Variants in PTPN9 observed in about 807,000 individuals in gnomAD.
The protein encoded by PTPN9 is tyrosine-protein phosphatase non-receptor type 9.
Under a neutral mutation model 69.8 loss-of-function variants are expected in PTPN9, and 26 were observed. The ratio of observed to expected loss-of-function variants is 0.37; its 90% CI spans 0.27 to 0.52. The LOEUF is 0.52. PTPN9 is among the 20% of genes least tolerant of loss of function. PTPN9 has a pLI of 0.91. For missense variants in PTPN9, 549 were observed against 740.3 expected (o/e 0.74, Z 3.00); for synonymous variants, 274 against 272.5 (o/e 1.01, Z -0.05).
At chr15:75,472,435 C>T (rs1195226241) in intron 10 of PTPN9, among the ~76,000 whole-genome samples, 1 of 150,968 alleles carries the variant, frequency 6.6e-6, no homozygotes, top group Non-Finnish European at 1.5e-5. Context: ...GCACTCCAGC[C>T]TGGGCGACAG....
At chr15:75,567,621 G>A (rs1282623792) in intron 1 of PTPN9, among the ~76,000 whole-genome samples, 1 of 152,148 alleles carries the variant, frequency 6.6e-6, no homozygotes, top group East Asian at 1.9e-4. Context: ...AAAGTGACAA[G>A]TACTGTGCCG....
intron 1 of PTPN9, among the ~76,000 whole-genome samples, chr15:75,548,929 A>T (rs2075045680): frequency 6.6e-6 from 1 of 151,942 alleles, no homozygotes; most frequent in Non-Finnish European, 1.5e-5. Flanking sequence ...CTGGGATTAT[A>T]GGCATGAGCC....
chr15:75,515,927 CAAAATAAAATAA>C (rs1247924096), intron 5 of PTPN9, among the ~76,000 whole-genome samples: 1 of 151,592 alleles, frequency 6.6e-6, no homozygotes, highest in Non-Finnish European at 1.5e-5. Context: ...TAAAATAAAA[CAAAATAAAATAA>C]AAAATAAATT....
chr15:75,473,792 A>G lies in PTPN9; in HGVS notation c.1130-25T>C, dbSNP rs2074581459. 1.1e-5 allele frequency: 17 copies of G among 1,518,870 alleles called. No individual in the cohort carries two copies. The East Asian group carries it at 3.6e-4, about 32-fold the overall frequency. The allele number at this position is 1,518,870 out of a possible 1,614,324, so 94.1% of individuals were successfully genotyped here. A position where few individuals can be genotyped will look rare whatever the true frequency, so the allele number is the denominator to read the frequency against. Reference sequence around the variant, plus strand: ...CCTGAAATAAAAGGAGAAGACAAGAAACATGACTCTGGGAAACACTTTTTT... The same window carrying G: ...CCTGAAATAAAAGGAGAAGACAAGAGACATGACTCTGGGAAACACTTTTTT... On this transcript the variant is annotated intron_variant, in intron 9 of 12. Coordinates refer to ENST00000618819, the MANE Select transcript of PTPN9 (RefSeq NM_002833.4).
Position 75,468,846 on chromosome 15 carries a change from T to C in PTPN9, c.1705A>G (p.Lys569Glu). ...TTCTCTGCGAACTCCAGGATGGCCT[T>C]GTAGCAAAAATAGTACTGCTCAGGG... The part of the protein sequence containing the change: ...QTPEQYYFCY[K>E]AILEFAEKEG... Residue 569 changes from lysine (K) to glutamate (E), a missense_variant, in exon 13 of 13, where the codon AAG becomes GAG. Physicochemically the swap from Lys to Glu is moderately conservative, Grantham distance 56. Around this residue, in one of 3 missense-constraint regions of PTPN9, gnomAD observed 457 missense variants for 661.9 expected, o/e 0.69. Coordinates refer to ENST00000618819, the MANE Select transcript of PTPN9 (RefSeq NM_002833.4). The C allele has an allele frequency of 6.2e-7, 1 of 1,614,122 alleles. No individual in the cohort carries two copies. Among genetic ancestry groups the C allele is most frequent in the Non-Finnish European group, 8.5e-7 (1 of 1,180,000 alleles).
At chr15:75,503,194 C>A (rs1448604103) in intron 7 of PTPN9, among the ~76,000 whole-genome samples, 1 of 148,826 alleles carries the variant, frequency 6.7e-6, no homozygotes, top group Non-Finnish European at 1.5e-5. Flanking sequence ...AAGTGAGGAG[C>A]GCCTCTTCCC....
intron 1 of PTPN9, among the ~76,000 whole-genome samples, chr15:75,536,260 T>C (rs1239778373): frequency 2.6e-5 from 4 of 152,298 alleles, no homozygotes; most frequent in South Asian, 4.1e-4. Flanking sequence ...AGTACAGTAG[T>C]TGTTGAGAAG....
intron 1 of PTPN9, among the ~76,000 whole-genome samples, chr15:75,548,161 GT>G (rs909913251): frequency 2.0e-5 from 3 of 151,974 alleles, no homozygotes; most frequent in Admixed American, 1.3e-4. Flanking sequence ...CAGAACACAG[GT>G]TTTCTGACTC....
chr15:75,507,370 C>T (rs570557353), intron 6 of PTPN9, among the ~76,000 whole-genome samples: 7 of 146,926 alleles, frequency 4.8e-5, no homozygotes, highest in South Asian at 4.4e-4. Context: ...CACTTGAACC[C>T]GGGGGACGGA....
intron 5 of PTPN9, among the ~76,000 whole-genome samples, chr15:75,514,260 C>T (rs1054791368): frequency 1.3e-5 from 2 of 151,188 alleles, no homozygotes; most frequent in African/African-American, 4.9e-5. Flanking sequence ...TGAAAAGGGC[C>T]GGAATATTGA....
chr15:75,570,041 G>C (rs772426387), intron 1 of PTPN9, among the ~76,000 whole-genome samples: 68 of 152,102 alleles, frequency 4.5e-4, no homozygotes, highest in Admixed American at 7.2e-4. Flanking sequence ...GGATGGTCTT[G>C]ATCTCTTGAC....
intron 7 of PTPN9, among the ~76,000 whole-genome samples, chr15:75,499,904 A>C (rs1291783328): frequency 1.3e-5 from 2 of 152,156 alleles, no homozygotes; most frequent in African/African-American, 4.8e-5. Flanking sequence ...GAGGCTGGGC[A>C]TAGTGGCTCA....
At chr15:75,548,580 A>T (rs564972944) in intron 1 of PTPN9, among the ~76,000 whole-genome samples, 2 of 151,386 alleles carry the variant, frequency 1.3e-5, no homozygotes, top group East Asian at 3.9e-4. Flanking sequence ...ACTTCTAAAG[A>T]GAAGACAGAT....
intron 8 of PTPN9, among the ~76,000 whole-genome samples, chr15:75,489,174 CAAAAAAA>C (rs35540489): frequency 3.1e-4 from 20 of 64,236 alleles, no homozygotes; most frequent in African/African-American, 4.5e-4. Context: ...GACTCCGTCT[CAAAAAAA>C]AAAAAAAAAA....
chr15:75,540,559 A>AAAAGAAAGAAAG (rs371414252), intron 1 of PTPN9, among the ~76,000 whole-genome samples: 2 of 106,698 alleles, frequency 1.9e-5, no homozygotes, highest in African/African-American at 6.3e-5. Context: ...AAAAAAAAAA[A>AAAAGAAAGAAAG]AAAGAAAGAA....
At chr15:75,517,408 T>G in intron 4 of PTPN9, 44 bp from the exon 5 acceptor site, 1 of 1,522,240 alleles carries the variant, frequency 6.6e-7, no homozygotes, top group African/African-American at 1.4e-5. Context: ...AGTAAGCAGA[T>G]GGATGAGGCA....
At chr15:75,508,039 CAAAAAAAAA>C (rs990909256) in intron 6 of PTPN9, among the ~76,000 whole-genome samples, 1 of 37,380 alleles carries the variant, frequency 2.7e-5, no homozygotes, top group African/African-American at 1.1e-4. Flanking sequence ...GAGACACTCT[CAAAAAAAAA>C]AAAAAAAAAA....
At chr15:75,572,336 A>C (rs1306934705) in intron 1 of PTPN9, among the ~76,000 whole-genome samples, 1 of 152,144 alleles carries the variant, frequency 6.6e-6, no homozygotes, top group East Asian at 1.9e-4. Flanking sequence ...GTCTCAAAAC[A>C]CAATAACATA....
At chr15:75,474,249 GTGGCTCA>G (rs2074584010) in intron 9 of PTPN9, among the ~76,000 whole-genome samples, 1 of 152,204 alleles carries the variant, frequency 6.6e-6, no homozygotes, top group African/African-American at 2.4e-5. Flanking sequence ...GCCGGGTGCA[GTGGCTCA>G]TGCCTATAAT....
Sources: allele counts gnomAD v4.1 joint callset (sites outside exome capture counted in the v4.1 genomes callset), GRCh38; gene constraint gnomAD v4.1.1; regional missense constraint gnomAD v4.1.1; transcripts MANE v1.5; gene names NCBI Gene and HGNC (gene_info 2026-07-23, HGNC 2026-07-21).